CTNNA2: variants seen among roughly 807,000 people sequenced by gnomAD.
CTNNA2 encodes catenin alpha-2.
Under a neutral mutation model 101.0 loss-of-function variants are expected in CTNNA2, and 42 were observed. The observed-to-expected ratio is 0.42, with a 90% CI of 0.32 to 0.54. The LOEUF is 0.54. CTNNA2 is among the 20% of genes least tolerant of loss of function. CTNNA2 has a pLI of 0.14. For missense variants in CTNNA2, 871 were observed against 1,223.1 expected (o/e 0.71, Z 4.29); for synonymous variants, 450 against 456.4 (o/e 0.99, Z 0.18).
intron 3 of CTNNA2, chr2:79,319,643 G>C (rs1350765595): frequency 6.6e-6 from 1 of 151,822 alleles, no homozygotes; most frequent in Non-Finnish European, 1.5e-5. Flanking sequence ...AGTTTTTTAT[G>C]TTTCAAACAA....
At chr2:80,024,673 A>G (rs901951987) in intron 7 of CTNNA2, among the ~76,000 whole-genome samples, 2 of 152,158 alleles carry the variant, frequency 1.3e-5, no homozygotes, top group Non-Finnish European at 2.9e-5. Flanking sequence ...GCAGTGTCCA[A>G]CTGTGTTGCA....
intron 7 of CTNNA2, among the ~76,000 whole-genome samples, chr2:80,202,424 C>A (rs1308857837): frequency 6.6e-6 from 1 of 152,166 alleles, no homozygotes; most frequent in East Asian, 1.9e-4. Flanking sequence ...GCTACCACTC[C>A]AGCCTTGGTA....
At chr2:79,511,763 C>T (rs561616069), upstream of CTNNA2, among the ~76,000 whole-genome samples, 1 of 151,942 alleles carries the variant, frequency 6.6e-6, no homozygotes, top group East Asian at 1.9e-4. Context: ...CAATTGCAGA[C>T]GCGAACTTGG....
chr2:80,549,460 T>G (rs965861256), intron 11 of CTNNA2, among the ~76,000 whole-genome samples: 2 of 152,212 alleles, frequency 1.3e-5, no homozygotes, highest in African/African-American at 4.8e-5. Context: ...CACTGATTTT[T>G]TTTCATAACA....
intron 7 of CTNNA2, among the ~76,000 whole-genome samples, chr2:80,196,769 G>A (rs971054838): frequency 7.2e-5 from 11 of 152,164 alleles, no homozygotes; most frequent in South Asian, 6.2e-4. Context: ...CTGTTCTCTC[G>A]TTTGCCAGCC....
At chr2:80,421,969 G>A (rs1486943294) in intron 9 of CTNNA2, among the ~76,000 whole-genome samples, 1 of 152,088 alleles carries the variant, frequency 6.6e-6, no homozygotes, top group Non-Finnish European at 1.5e-5. Context: ...GATAAATTCA[G>A]TTACTAATTC....
intron 4 of CTNNA2, among the ~76,000 whole-genome samples, chr2:79,467,985 A>G (rs1670957789): frequency 6.6e-6 from 1 of 152,174 alleles, no homozygotes; most frequent in Admixed American, 6.5e-5. Flanking sequence ...AAGCAAAATA[A>G]CCAGCTAACA....
At chr2:80,038,914 G>C (rs1167609653) in intron 7 of CTNNA2, among the ~76,000 whole-genome samples, 1 of 152,036 alleles carries the variant, frequency 6.6e-6, no homozygotes, top group Non-Finnish European at 1.5e-5. Context: ...TCAACACATG[G>C]ACCCCAAAGT....
intron 2 of CTNNA2, among the ~76,000 whole-genome samples, chr2:79,248,136 T>C (rs1304116450): frequency 1.3e-5 from 2 of 152,166 alleles, no homozygotes; most frequent in Non-Finnish European, 2.9e-5. Context: ...GTCTCAGAAA[T>C]ACTGTCTCAG....
chr2:79,820,945 T>G (rs1052041038), intron 3 of CTNNA2, among the ~76,000 whole-genome samples: 10 of 152,198 alleles, frequency 6.6e-5, no homozygotes, highest in African/African-American at 2.4e-4. Flanking sequence ...TTTTATGTAT[T>G]TCCTGGAATG....
chr2:80,260,701 T>C (rs1424414767), intron 7 of CTNNA2, among the ~76,000 whole-genome samples: 1 of 152,194 alleles, frequency 6.6e-6, no homozygotes, highest in Non-Finnish European at 1.5e-5. Context: ...GCAGAAAAGA[T>C]AAGCCAAGTT....
intron 3 of CTNNA2, among the ~76,000 whole-genome samples, chr2:79,789,033 T>G (rs2105240954): frequency 6.6e-6 from 1 of 152,350 alleles, no homozygotes; most frequent in African/African-American, 2.4e-5. Context: ...TTTACTAAGT[T>G]TAAACCTTAT....
intron 4 of CTNNA2, among the ~76,000 whole-genome samples, chr2:79,484,172 T>C (rs1434934103): frequency 6.6e-6 from 1 of 152,034 alleles, no homozygotes; most frequent in African/African-American, 2.4e-5. Context: ...GCCCAGGAGA[T>C]TGAGGTGGCA....
intron 7 of CTNNA2, among the ~76,000 whole-genome samples, chr2:80,215,677 G>A (rs1708219008): frequency 6.6e-6 from 1 of 152,178 alleles, no homozygotes; most frequent in South Asian, 2.1e-4. Context: ...CCCCTACTGG[G>A]AGGTGTCTTG....
chr2:80,200,066 A>C (rs897758820), intron 7 of CTNNA2, among the ~76,000 whole-genome samples: 1 of 152,226 alleles, frequency 6.6e-6, no homozygotes, highest in Non-Finnish European at 1.5e-5. Context: ...CAGCCAGTTC[A>C]CTATCCTTGG....
At chr2:80,246,035 C>G (rs886845725) in intron 7 of CTNNA2, among the ~76,000 whole-genome samples, 8 of 151,964 alleles carry the variant, frequency 5.3e-5, no homozygotes, top group African/African-American at 1.9e-4. Context: ...ACCTCGTGAT[C>G]CGCCCGCCTG....
rs1676510757 is a variant in CTNNA2 at position 80,303,031 on chromosome 2, C to T, written c.1057-90180C>T. ...CCATGTACTCGATCTCGTTGCCCGACAAGTCCATTTTCTCCAGGTTCCAAA... is the reference window on the plus strand; with the variant it reads ...CCATGTACTCGATCTCGTTGCCCGATAAGTCCATTTTCTCCAGGTTCCAAA... On this transcript the variant is annotated intron_variant, in intron 7 of 18. Coordinates refer to ENST00000402739, the MANE Select transcript of CTNNA2 (RefSeq NM_001282597.3). This position sits in a 1 kb window ranked among gnomAD's most constrained non-coding sequence, Gnocchi z 7.7. 1 of 1,613,688 alleles carries T rather than the reference C, an allele frequency of 6.2e-7. No individual in the cohort carries two copies. Among genetic ancestry groups the T allele is most frequent in the Non-Finnish European group, 8.5e-7 (1 of 1,179,990 alleles).
chr2:79,837,268 G>T (rs79215863), intron 3 of CTNNA2, among the ~76,000 whole-genome samples: 2 of 152,146 alleles, frequency 1.3e-5, no homozygotes, highest in Non-Finnish European at 2.9e-5. Flanking sequence ...GGCAGGAAGC[G>T]TCTAGCACGA....
At chr2:80,110,350 A>G (rs1035352610) in intron 7 of CTNNA2, among the ~76,000 whole-genome samples, 2 of 152,132 alleles carry the variant, frequency 1.3e-5, no homozygotes, top group Admixed American at 6.6e-5. Flanking sequence ...TTTATTTTAG[A>G]GGTTAAAATG....
Sources: gnomAD v4.1 joint callset for allele counts (sites outside exome capture counted in the v4.1 genomes callset) on GRCh38, gnomAD v4.1.1 for gene constraint, Gnocchi (gnomAD v3.1) non-coding constraint, MANE v1.5 for transcripts, NCBI Gene and HGNC (gene_info 2026-07-23, HGNC 2026-07-21) for gene names.